The following MAPT variants were observed in gnomAD, a reference collection of about 807,000 sequenced individuals.
MAPT encodes the protein microtubule associated protein tau.
A neutral mutation model predicts 67.9 loss-of-function variants in MAPT; 34 were observed. The ratio of observed to expected loss-of-function variants is 0.50; its 90% CI spans 0.38 to 0.67. The LOEUF (loss-of-function observed/expected upper bound fraction) is 0.67, where lower values mean the gene tolerates loss of function less well. Among genes scored for constraint, MAPT ranks in the 30% least tolerant of loss-of-function variants. The pLI is 0.00. For synonymous variants in MAPT, 456 were observed against 464.5 expected (o/e 0.98, Z 0.23); for missense variants, 881 against 1,115.2 (o/e 0.79, Z 2.99).
chr17:45,999,063 C>T (rs760141347), intron 9 of MAPT, among the ~76,000 whole-genome samples: 3 of 152,174 alleles, frequency 2.0e-5, no homozygotes, highest in Non-Finnish European at 2.9e-5. Flanking sequence ...TGGGGTTCCC[C>T]GCCCATGCAC....
At chr17:45,960,700 C>T (rs1413908282) in intron 1 of MAPT, among the ~76,000 whole-genome samples, 4 of 152,076 alleles carry the variant, frequency 2.6e-5, no homozygotes, top group Non-Finnish European at 5.9e-5. Flanking sequence ...TGCCTGTAAT[C>T]CCAACACTTT....
At chr17:45,968,229 C>G (rs962682650) in intron 2 of MAPT, among the ~76,000 whole-genome samples, 6 of 152,092 alleles carry the variant, frequency 3.9e-5, no homozygotes, top group Non-Finnish European at 7.4e-5. Flanking sequence ...CCCCACCATT[C>G]TGAGCATGTG....
intron 9 of MAPT, chr17:45,999,774 G>C (rs1271309372): frequency 5.1e-6 from 5 of 988,522 alleles, no homozygotes; most frequent in Non-Finnish European, 7.3e-6. Flanking sequence ...GACTTTTCTT[G>C]AGATATTTTG....
At chr17:46,017,754 C>T (rs567913511) in intron 11 of MAPT, among the ~76,000 whole-genome samples, 8 of 150,230 alleles carry the variant, frequency 5.3e-5, no homozygotes, top group South Asian at 2.1e-4. Context: ...CCACCACGCC[C>T]GGCCTGAAAG....
At chr17:45,991,978 G>T (rs1338367885) in intron 8 of MAPT, among the ~76,000 whole-genome samples, 2 of 151,832 alleles carry the variant, frequency 1.3e-5, no homozygotes, top group Non-Finnish European at 2.9e-5. Flanking sequence ...TAGAGACAGG[G>T]TTTCACCATG....
chr17:45,987,491 TC>T (rs2073672547), intron 6 of MAPT, among the ~76,000 whole-genome samples: 1 of 152,082 alleles, frequency 6.6e-6, no homozygotes, highest in African/African-American at 2.4e-5. Context: ...TCTTCGCCCA[TC>T]CTTCTCAGTA....
At chr17:45,948,552 G>GT (rs1342661437) in intron 1 of MAPT, among the ~76,000 whole-genome samples, 1 of 152,182 alleles carries the variant, frequency 6.6e-6, no homozygotes, top group Non-Finnish European at 1.5e-5. Flanking sequence ...TTCCTTAGCT[G>GT]TTACCAGTCA....
intron 1 of MAPT, among the ~76,000 whole-genome samples, chr17:45,913,792 T>A (rs549661160): frequency 1.3e-5 from 2 of 152,340 alleles, no homozygotes; most frequent in East Asian, 3.9e-4. Flanking sequence ...GCTGCTCCCA[T>A]GCCAGGCTAT....
intron 1 of MAPT, among the ~76,000 whole-genome samples, chr17:45,904,355 A>ATATTATATATT (rs2064132241): frequency 2.6e-5 from 2 of 75,852 alleles, no homozygotes; most frequent in Non-Finnish European, 5.8e-5. Context: ...TATTATATAT[A>ATATTATATATT]TTATATATAT....
At chr17:45,999,340 T>C (rs778210217) in intron 9 of MAPT, 1 of 1,613,952 alleles carries the variant, frequency 6.2e-7, no homozygotes, top group Non-Finnish European at 8.5e-7. Flanking sequence ...ACTGTGCAGG[T>C]GGCCGGCCCT....
At chr17:45,933,240 T>C (rs1480096103) in intron 1 of MAPT, among the ~76,000 whole-genome samples, 2 of 124,366 alleles carry the variant, frequency 1.6e-5, no homozygotes, top group African/African-American at 2.9e-5. Context: ...GAACTCTCTC[T>C]CTCCCTTTTT....
intron 1 of MAPT, among the ~76,000 whole-genome samples, chr17:45,905,487 G>C (rs2064241609): frequency 6.6e-6 from 1 of 152,092 alleles, no homozygotes; most frequent in African/African-American, 2.4e-5. Flanking sequence ...GATGAGAAAT[G>C]CAAGAAAAAA....
At position 45,983,814 on chromosome 17, in the gene MAPT, C is replaced by T; in HGVS notation, c.1235C>T (p.Ala412Val). 6.2e-7 allele frequency: 1 copy of T among 1,613,146 alleles called. No homozygotes were observed. Among genetic ancestry groups the T allele is most frequent in the Non-Finnish European group, 8.5e-7 (1 of 1,179,898 alleles). The change falls in exon 5 of 13, where the codon GCC becomes GTC. Residue 412 changes from alanine (A) to valine (V), a missense_variant. By Grantham distance (64) the Ala-to-Val change is moderately conservative. Around this residue, in one of 6 missense-constraint regions of MAPT, gnomAD observed 687 missense variants for 766.1 expected, o/e 0.90. Transcript: ENST00000262410. ...FPGAPGEGPE[A>V]RGPSLGEDTK... Reference sequence around the variant, plus strand: ...GGGGCCCCTGGAGAGGGGCCAGAGGCCCGGGGCCCCTCTTTGGGAGAGGAC... The same window carrying T: ...GGGGCCCCTGGAGAGGGGCCAGAGGTCCGGGGCCCCTCTTTGGGAGAGGAC...
chr17:45,982,018 CAAA>C (rs1264327504), intron 4 of MAPT, among the ~76,000 whole-genome samples: 14 of 84,700 alleles, frequency 1.7e-4, no homozygotes, highest in Admixed American at 1.6e-3. Context: ...GACCCTGTCT[CAAA>C]AAAAAAAAAA....
rs139578453 is a variant in MAPT, at chr17:46,023,840, C to T, written c.2287-116C>T. ...TGGGCGATAGAGCAAGACCCTGTCT[C>T]AAAAACAAACAAAAAACAGTCCCTG... On this transcript the variant is annotated intron_variant, in intron 12 of 12. Coordinates refer to ENST00000262410, the MANE Select transcript of MAPT (RefSeq NM_001377265.1). 296 of 857,316 alleles carry T rather than the reference C, an allele frequency of 3.5e-4. 2 individuals are homozygous for T. The East Asian group carries it at 7.5e-3, about 22-fold the overall frequency. 53.1% of individuals were successfully genotyped at this position (857,316 alleles called of 1,614,324 possible). A position where few individuals can be genotyped will look rare whatever the true frequency, so the allele number is the denominator to read the frequency against.
Position 45,958,956 on chromosome 17 carries a change from G to A in MAPT, c.-17-3365G>A, listed in dbSNP as rs192325801. ...CACATGCCTGTGATCCCAGCTACTC[G>A]GGAGGCTGAGACAGGAGAATTGCTT... On this transcript the variant is annotated intron_variant, in intron 1 of 12. Transcript: ENST00000262410. Among the ~76,000 whole-genome samples the A allele has an allele frequency of 3.3e-3, 496 of 152,110 alleles. 5 individuals are homozygous for A. The highest frequency in any genetic ancestry group is 4.2e-3 in the Non-Finnish European group (286 of 67,998).
At chr17:45,964,780 C>T (rs2070864275) in intron 2 of MAPT, among the ~76,000 whole-genome samples, 1 of 152,060 alleles carries the variant, frequency 6.6e-6, no homozygotes, top group African/African-American at 2.4e-5. Flanking sequence ...CCCACTCCCG[C>T]TTTCCCTCTC....
intron 2 of MAPT, among the ~76,000 whole-genome samples, chr17:45,964,201 TTTTTG>T (rs538689105): frequency 2.6e-5 from 4 of 152,088 alleles, no homozygotes; most frequent in Non-Finnish European, 4.4e-5. Context: ...GTTTTGTTTT[TTTTTG>T]TTTTGTTTTG....
At chr17:45,999,568 G>A in intron 9 of MAPT, 2 of 1,612,726 alleles carry the variant, frequency 1.2e-6, no homozygotes, top group Non-Finnish European at 1.7e-6. Context: ...ACTTTCCATT[G>A]AAGGCCCCTT....
Sources: allele counts gnomAD v4.1 joint callset (sites outside exome capture counted in the v4.1 genomes callset), GRCh38; gene constraint gnomAD v4.1.1; regional missense constraint gnomAD v4.1.1; transcripts MANE v1.5; gene names NCBI Gene and HGNC (gene_info 2026-07-23, HGNC 2026-07-21).